Variants in ACSBG2 observed in about 807,000 individuals in gnomAD.
The protein encoded by ACSBG2 is acyl-CoA synthetase bubblegum family member 2, also known as long-chain-fatty-acid--CoA ligase ACSBG2.
Under a neutral mutation model 74.7 loss-of-function variants are expected in ACSBG2, and 62 were observed. The observed-to-expected ratio is 0.83, with a 90% CI of 0.68 to 1.03. ACSBG2 has a LOEUF of 1.03. Among genes scored for constraint, ACSBG2 ranks in the 50% least tolerant of loss-of-function variants. The pLI is 0.00. For synonymous variants in ACSBG2, 309 were observed against 294.1 expected (o/e 1.05, Z -0.52); for missense variants, 730 against 817.6 (o/e 0.89, Z 1.31).
At chr19:6,150,408 C>T (rs1386818632) in intron 3 of ACSBG2, among the ~76,000 whole-genome samples, 3 of 150,332 alleles carry the variant, frequency 2.0e-5, no homozygotes, top group Admixed American at 6.6e-5. Flanking sequence ...GTCATAGCGG[C>T]GTTATTCACA....
At chr19:6,183,430 C>T (rs932117367) in intron 10 of ACSBG2, among the ~76,000 whole-genome samples, 158 bp downstream of exon 10, 5 of 152,158 alleles carry the variant, frequency 3.3e-5, no homozygotes, top group African/African-American at 4.8e-5. Flanking sequence ...TCCGCATGAC[C>T]GTGGGAAACC....
intron 7 of ACSBG2, among the ~76,000 whole-genome samples, chr19:6,170,013 T>C (rs1484266934): frequency 2.0e-5 from 3 of 152,194 alleles, no homozygotes; most frequent in Non-Finnish European, 4.4e-5. Context: ...AATCATATCA[T>C]TGGTGAACAG....
intron 2 of ACSBG2, among the ~76,000 whole-genome samples, chr19:6,142,914 A>G (rs2088899382): frequency 6.6e-6 from 1 of 152,222 alleles, no homozygotes; most frequent in East Asian, 1.9e-4. Context: ...CAAAGGGTGG[A>G]ATATTCATCT....
In ACSBG2 at chr19:6,187,360, A is replaced by G. The variant is rs2090437163; in HGVS notation, c.1618A>G (p.Ile540Val). Residue 540 changes from isoleucine (I) to valine (V), a missense_variant, in exon 12 of 15, where the codon ATC (isoleucine) becomes GTC (valine). Coordinates refer to ENST00000588485, the MANE Select transcript of ACSBG2 (RefSeq NM_030924.5). ...ETLVKKKIPI[I>V]SNAMLVGDKL... ...CTTGGTTAAGAAGAAGATCCCCATC[A>G]TCAGTAACGCCATGTTAGTAGGAGA... 1.9e-6 allele frequency: 3 copies of G among 1,614,040 alleles called. No homozygotes were observed. The African/African-American group carries it at 4.0e-5, about 22-fold the overall frequency.
chr19:6,159,948 C>G (rs77045924), intron 5 of ACSBG2, among the ~76,000 whole-genome samples: 1 of 152,152 alleles, frequency 6.6e-6, no homozygotes, highest in African/African-American at 2.4e-5. Context: ...AGCTGCTATA[C>G]GGGCTTCTGC....
intron 1 of ACSBG2, among the ~76,000 whole-genome samples, chr19:6,138,144 A>G (rs1385604566): frequency 6.6e-6 from 1 of 152,178 alleles, no homozygotes; most frequent in Non-Finnish European, 1.5e-5. Flanking sequence ...TTCATGCATG[A>G]ATCCTTTGGC....
rs1204698687 is a variant in ACSBG2, at chr19:6,165,925, C to T, written c.648C>T (p.Ile216=). The part of the protein sequence containing the change: ...SIPDTQLEQV[I]ESQKANQCAV... ...CTGACACCCAACTGGAGCAGGTCAT[C>T]GAGAGCCAGAAGGCGAATCAATGCG... The change falls in exon 7 of 15, where the codon ATC becomes ATT. Residue 216 remains isoleucine (I), a synonymous_variant. Coordinates refer to ENST00000588485, the MANE Select transcript of ACSBG2 (RefSeq NM_030924.5). The T allele has an allele frequency of 1.2e-6, 2 of 1,614,148 alleles. No homozygotes were observed. The highest frequency in any genetic ancestry group is 1.7e-6 in the Non-Finnish European group (2 of 1,180,004).
At chr19:6,165,031 C>A (rs1030644218) in intron 6 of ACSBG2, among the ~76,000 whole-genome samples, 1 of 152,190 alleles carries the variant, frequency 6.6e-6, no homozygotes. Flanking sequence ...AATAAGGATG[C>A]CTTTGGTCGT....
intron 10 of ACSBG2, among the ~76,000 whole-genome samples, chr19:6,183,696 CATCT>C (rs1366013078): frequency 6.6e-6 from 1 of 152,180 alleles, no homozygotes; most frequent in Non-Finnish European, 1.5e-5. Context: ...TTCAACTCCC[CATCT>C]GAGAGCTGTC....
chr19:6,146,897 G>A (rs1414088093), intron 2 of ACSBG2, among the ~76,000 whole-genome samples: 2 of 152,160 alleles, frequency 1.3e-5, no homozygotes, highest in East Asian at 3.8e-4. Flanking sequence ...AGGAGTTTGA[G>A]ATCAGCCTCG....
At chr19:6,168,299 T>G (rs1273385294) in intron 7 of ACSBG2, among the ~76,000 whole-genome samples, 1 of 152,132 alleles carries the variant, frequency 6.6e-6, no homozygotes, top group Non-Finnish European at 1.5e-5. Context: ...GCTTGTTCCC[T>G]CCCCTCCTTC....
intron 5 of ACSBG2, among the ~76,000 whole-genome samples, chr19:6,160,099 A>G (rs1313001786): frequency 6.6e-6 from 1 of 152,074 alleles, no homozygotes; most frequent in Non-Finnish European, 1.5e-5. Flanking sequence ...GAGTATAAAA[A>G]TCTCGCAGGG....
chr19:6,145,038 A>C (rs1301843689), intron 2 of ACSBG2, among the ~76,000 whole-genome samples: 1 of 151,890 alleles, frequency 6.6e-6, no homozygotes, highest in East Asian at 1.9e-4. Flanking sequence ...CTTGGGTCCT[A>C]CTACTGGCAC....
chr19:6,148,638 T>G (rs1600020227), intron 3 of ACSBG2, among the ~76,000 whole-genome samples: 1 of 102,570 alleles, frequency 9.7e-6, no homozygotes, highest in African/African-American at 3.4e-5. Context: ...AGTGAGATGG[T>G]GTCATAAAGA....
At chr19:6,171,028 C>T (rs1051100617) in intron 7 of ACSBG2, among the ~76,000 whole-genome samples, 2 of 151,152 alleles carry the variant, frequency 1.3e-5, no homozygotes, top group African/African-American at 4.9e-5. Context: ...TTGGATAAAA[C>T]AGTAGCACCC....
rs145816975 is a variant in ACSBG2 at position 6,164,826 on chromosome 19, C to T, written c.589-1040C>T. Among the ~76,000 whole-genome samples the T allele has an allele frequency of 5.9e-5, 9 of 152,286 alleles. No individual in the cohort carries two copies. The East Asian group carries it at 1.2e-3, about 20-fold the overall frequency. On this transcript the variant is annotated intron_variant, in intron 6 of 14. Transcript: ENST00000588485. The stretch of plus-strand genomic sequence containing the variant: ...CTGCAGATCCCATGTGATGCTCAGT[C>T]GATACAACCCAAGAGTTCACTTTGC...
intron 11 of ACSBG2, among the ~76,000 whole-genome samples, chr19:6,187,072 T>C (rs1318018568): frequency 1.3e-5 from 2 of 150,624 alleles, no homozygotes; most frequent in Non-Finnish European, 3.0e-5. Flanking sequence ...TGGCATGATC[T>C]CAGCTCACTG....
At chr19:6,177,047 G>C (rs1319041929) in intron 7 of ACSBG2, among the ~76,000 whole-genome samples, 182 bp from the exon 8 acceptor site, 1 of 151,998 alleles carries the variant, frequency 6.6e-6, no homozygotes, top group Non-Finnish European at 1.5e-5. Context: ...TATAGTACCA[G>C]TTACTCAGGA....
intron 11 of ACSBG2, among the ~76,000 whole-genome samples, chr19:6,186,871 T>C (rs961661042): frequency 1.3e-5 from 2 of 151,968 alleles, no homozygotes; most frequent in African/African-American, 4.8e-5. Flanking sequence ...CACCCGGCTA[T>C]TTTTTTGCAG....
Sources: allele counts gnomAD v4.1 joint callset (sites outside exome capture counted in the v4.1 genomes callset), GRCh38; gene constraint gnomAD v4.1.1; transcripts MANE v1.5; gene names NCBI Gene and HGNC (gene_info 2026-07-23, HGNC 2026-07-21).